The following ZMYM2 variants were observed in gnomAD, a reference collection of about 807,000 sequenced individuals.
ZMYM2 encodes zinc finger MYM-type protein 2.
Under a neutral mutation model 162.8 loss-of-function variants are expected in ZMYM2, and 56 were observed. The observed-to-expected ratio is 0.34, with a 90% CI of 0.28 to 0.43. ZMYM2 has a LOEUF of 0.43. ZMYM2 is among the 20% of genes least tolerant of loss of function. ZMYM2 has a pLI of 1.00. For synonymous variants in ZMYM2, 510 were observed against 541.6 expected, an observed-to-expected ratio of 0.94 and a Z score of 0.81; for missense variants, 1,275 against 1,621.8, an observed-to-expected ratio of 0.79 and a Z score of 3.67.
the ZMYM2 span, among the ~76,000 whole-genome samples, chr13:19,948,357 G>A: frequency 3.3e-5 from 5 of 152,254 alleles, no homozygotes; most frequent in Admixed American, 1.3e-4. Context: ...CAAGATATCC[G>A]TCAGTAGGTA....
chr13:20,081,933 A>G (rs912385697), intron 21 of ZMYM2, 83 bp from the exon 22 acceptor site: 4 of 801,268 alleles, frequency 5.0e-6, no homozygotes, highest in Non-Finnish European at 7.5e-6. Flanking sequence ...TTTTTTTCTT[A>G]AGAAATACGG....
intron 2 of ZMYM2, among the ~76,000 whole-genome samples, chr13:19,983,307 G>A (rs976990192): frequency 2.6e-5 from 4 of 152,010 alleles, no homozygotes; most frequent in East Asian, 3.9e-4. Context: ...ATCATGGCAC[G>A]GCTAATTTTT....
rs1469083856 is a variant in ZMYM2, at chr13:19,994,123, A to G, written c.847+204A>G. ...TTTTCTGTGGATTACTAAAAAGTTA[A>G]TCATAAAGTAGTTTTATATTTAAAG... On this transcript the variant is annotated intron_variant, in intron 3 of 24. Transcript: ENST00000610343. 3.9e-5 allele frequency among the ~76,000 whole-genome samples: 6 copies of G among 152,242 alleles called. No homozygotes were observed. The South Asian group carries it at 8.3e-4, about 21-fold the overall frequency.
At chr13:20,072,598 G>T (rs923551300) in intron 21 of ZMYM2, among the ~76,000 whole-genome samples, 8 of 152,150 alleles carry the variant, frequency 5.3e-5, no homozygotes, top group Non-Finnish European at 8.8e-5. Flanking sequence ...GAAAGAATTT[G>T]TGAGAATTGG....
chr13:19,923,784 C>T, the ZMYM2 span, among the ~76,000 whole-genome samples: 5 of 151,048 alleles, frequency 3.3e-5, no homozygotes, highest in African/African-American at 1.2e-4. Flanking sequence ...GATTCTCCTG[C>T]CTCAGCCTCC....
chr13:19,955,948 A>G (rs4769077), upstream of ZMYM2, among the ~76,000 whole-genome samples: 35,276 of 152,202 alleles, frequency 0.23, 5,061 homozygotes, highest in Admixed American at 0.32. Flanking sequence ...CAGGTACAGA[A>G]TAGATTAATA....
At chr13:20,052,352 TA>T in intron 14 of ZMYM2, 41 bp downstream of exon 14, 2 of 1,528,334 alleles carry the variant, frequency 1.3e-6, no homozygotes, top group South Asian at 1.3e-5. Flanking sequence ...GTGATTTTTG[TA>T]ATATGGGGTA....
intron 2 of ZMYM2, among the ~76,000 whole-genome samples, chr13:19,981,516 C>A (rs1957324491): frequency 6.6e-6 from 1 of 152,132 alleles, no homozygotes; most frequent in Non-Finnish European, 1.5e-5. Context: ...CATTTCCTGC[C>A]TCTGACCTGC....
chr13:19,885,102 C>A, the ZMYM2 span, among the ~76,000 whole-genome samples: 2 of 152,132 alleles, frequency 1.3e-5, no homozygotes, highest in Non-Finnish European at 2.9e-5. Flanking sequence ...TCTCCAAGTC[C>A]CCACCCGACC....
At chr13:19,937,290 C>T in the ZMYM2 span, among the ~76,000 whole-genome samples, 1 of 152,024 alleles carries the variant, frequency 6.6e-6, no homozygotes, top group South Asian at 2.1e-4. Context: ...GCCAGCGCCA[C>T]CATGCCCAGC....
intron 2 of ZMYM2, among the ~76,000 whole-genome samples, chr13:19,988,149 A>G (rs923236306): frequency 6.6e-6 from 1 of 152,142 alleles, no homozygotes; most frequent in Non-Finnish European, 1.5e-5. Flanking sequence ...TTTTAACTCA[A>G]AGGGGTTGTC....
chr13:20,058,791 G>C (rs1593163238), intron 15 of ZMYM2, 87 bp downstream of exon 15: 1 of 1,527,436 alleles, frequency 6.5e-7, no homozygotes, highest in East Asian at 2.3e-5. Flanking sequence ...GACACCTCCA[G>C]GATAGATTCA....
chr13:20,057,738 T>C (rs1382604062), intron 14 of ZMYM2, among the ~76,000 whole-genome samples: 1 of 152,228 alleles, frequency 6.6e-6, no homozygotes, highest in Non-Finnish European at 1.5e-5. Context: ...ATTATGTATT[T>C]ATCAGTTGAT....
the ZMYM2 span, among the ~76,000 whole-genome samples, chr13:19,943,770 G>A: frequency 5.3e-5 from 8 of 152,262 alleles, no homozygotes; most frequent in East Asian, 3.9e-4. Context: ...CTCTTGCCCC[G>A]TACGCAGTTG....
the ZMYM2 span, among the ~76,000 whole-genome samples, chr13:19,918,491 CTTTCTTTTTT>C: frequency 6.0e-5 from 8 of 132,256 alleles, no homozygotes; most frequent in African/African-American, 2.3e-4. Context: ...CTTTTTCTTT[CTTTCTTTTTT>C]TTTTTTTTTT....
At chr13:20,072,104 C>T in intron 21 of ZMYM2, 1 of 160,756 alleles carries the variant, frequency 6.2e-6, no homozygotes, top group Non-Finnish European at 1.4e-5. Flanking sequence ...TTTCCAGCCC[C>T]CTTTCTGGCC....
chr13:19,957,127 T>C (rs1008113708), upstream of ZMYM2, among the ~76,000 whole-genome samples: 6 of 152,326 alleles, frequency 3.9e-5, no homozygotes, highest in Non-Finnish European at 2.9e-5. Context: ...TAGTACAAGG[T>C]GGAAAGCCTA....
the ZMYM2 span, among the ~76,000 whole-genome samples, chr13:19,895,954 A>G: frequency 4.0e-5 from 6 of 151,844 alleles, no homozygotes; most frequent in Non-Finnish European, 5.9e-5. Flanking sequence ...ATTCTAACTG[A>G]TCTACAACAT....
chr13:19,988,102 G>A (rs1949321595), intron 2 of ZMYM2, among the ~76,000 whole-genome samples: 1 of 152,126 alleles, frequency 6.6e-6, no homozygotes, highest in Non-Finnish European at 1.5e-5. Context: ...ATTAATGTGT[G>A]AGCTGCTGTT....
Sources: allele counts gnomAD v4.1 joint callset (sites outside exome capture counted in the v4.1 genomes callset), GRCh38; gene constraint gnomAD v4.1.1; transcripts MANE v1.5; gene names NCBI Gene and HGNC (gene_info 2026-07-23, HGNC 2026-07-21).